The following ABI3BP variants were observed in gnomAD, a reference collection of about 807,000 sequenced individuals.
The protein encoded by ABI3BP is target of Nesh-SH3.
A neutral mutation model predicts 268.6 loss-of-function variants in ABI3BP; 216 were observed. That is an observed-to-expected ratio of 0.80 (90% CI 0.72 to 0.90). ABI3BP has a LOEUF of 0.90. Among genes scored for constraint, ABI3BP ranks in the 40% least tolerant of loss-of-function variants. ABI3BP has a pLI of 0.00. For synonymous variants in ABI3BP, 730 were observed against 730.0 expected (o/e 1.00, Z 0.00); for missense variants, 2,090 against 2,182.4 (o/e 0.96, Z 0.84).
chr3:100,750,955 G>A (rs1021241377), intron 67 of ABI3BP, among the ~76,000 whole-genome samples: 11 of 152,030 alleles, frequency 7.2e-5, no homozygotes, highest in African/African-American at 2.2e-4. Context: ...CTGAAAAATC[G>A]AATCAAATAG....
In ABI3BP at chr3:100,820,268, G is replaced by A. The variant is rs2098180537; in HGVS notation, c.2983C>T (p.Pro995Ser). 3 of 1,536,080 alleles carry A rather than the reference G, an allele frequency of 2.0e-6. No individual in the cohort carries two copies. Among genetic ancestry groups the A allele is most frequent in the African/African-American group, 2.7e-5 (2 of 73,044 alleles). ...GGACTTGGTGTGGTTTTAGTTTTGG[G>A]ACGTGGACGACGAGTTCGTTGTGAT... ...KTSQRTRRPRPKTKTTPSPEV... is the reference protein window; with the variant it reads ...KTSQRTRRPRSKTKTTPSPEV... The change falls in exon 40 of 68, where the codon CCC becomes TCC. Residue 995 changes from proline to serine, a missense_variant. Transcript: ENST00000471714.
At chr3:100,762,113 T>C (rs1389075216) in intron 63 of ABI3BP, among the ~76,000 whole-genome samples, 1 of 152,244 alleles carries the variant, frequency 6.6e-6, no homozygotes, top group African/African-American at 2.4e-5. Flanking sequence ...ATTATTTTTT[T>C]ACAGCTAACA....
chr3:100,756,331 C>A (rs1171224854), intron 63 of ABI3BP, among the ~76,000 whole-genome samples: 2 of 152,172 alleles, frequency 1.3e-5, no homozygotes, highest in Admixed American at 1.3e-4. Context: ...TTGAGACCAG[C>A]CTGACCAACA....
At chr3:100,791,635 T>G (rs910647837) in intron 55 of ABI3BP, among the ~76,000 whole-genome samples, 2 of 151,838 alleles carry the variant, frequency 1.3e-5, no homozygotes, top group African/African-American at 4.8e-5. Context: ...ATGTTATACT[T>G]CAGACTTCTG....
intron 6 of ABI3BP, among the ~76,000 whole-genome samples, chr3:100,885,190 T>C (rs2041354331): frequency 6.6e-6 from 1 of 152,060 alleles, no homozygotes; most frequent in African/African-American, 2.4e-5. Flanking sequence ...GTTTGAGCTG[T>C]AGCAATGTAC....
chr3:100,790,858 T>G (rs1209164433), intron 55 of ABI3BP, among the ~76,000 whole-genome samples: 3 of 151,974 alleles, frequency 2.0e-5, no homozygotes, highest in Non-Finnish European at 4.4e-5. Flanking sequence ...TATGTATAAA[T>G]TTTAAGACTT....
Position 100,911,587 on chromosome 3 carries a change from A to C in ABI3BP, c.260-8901T>G, listed in dbSNP as rs535761065. The C allele has an allele frequency of 8.7e-5, 58 of 667,000 alleles. No individual in the cohort carries two copies. The African/African-American group carries it at 8.8e-4, about 10-fold the overall frequency. 41.3% of individuals were successfully genotyped at this position (667,000 alleles called of 1,614,324 possible). A position where few individuals can be genotyped will look rare whatever the true frequency, so the allele number is the denominator to read the frequency against. ...TCCTTTACTGATCCATCTTCTTCAA[A>C]AAATTTAGAGCTGTGTGTTTTTACT... On this transcript the variant is annotated intron_variant, in intron 2 of 67. Transcript: ENST00000471714.
chr3:100,832,100 G>C (rs2098503934), intron 31 of ABI3BP, among the ~76,000 whole-genome samples, 164 bp downstream of exon 31: 1 of 152,112 alleles, frequency 6.6e-6, no homozygotes, highest in African/African-American at 2.4e-5. Flanking sequence ...TCCCTATAAA[G>C]GAAGCAAGAG....
chr3:100,902,803 G>A lies in ABI3BP; in HGVS notation c.260-117C>T, dbSNP rs532757289. 1.3e-5 allele frequency: 10 copies of A among 743,014 alleles called. No homozygotes were observed. In the East Asian group the frequency reaches 2.7e-4, roughly 20 times the overall value. The allele number at this position is 743,014 out of a possible 1,614,324, so 46.0% of individuals were successfully genotyped here. On this transcript the variant is annotated intron_variant, in intron 2 of 67. Coordinates refer to ENST00000471714, the MANE Select transcript of ABI3BP (RefSeq NM_001375547.2). ...CATCCTCCATAACCGCAGCTCCAGG[G>A]AGTGAGAGGACCCAATAATCCGAAA... is the stretch of plus-strand genomic sequence containing the variant.
chr3:100,942,013 T>C (rs1201005982), intron 1 of ABI3BP, among the ~76,000 whole-genome samples: 1 of 152,106 alleles, frequency 6.6e-6, no homozygotes, highest in Non-Finnish European at 1.5e-5. Context: ...AGTGGGACAG[T>C]GACATGGTTA....
At chr3:100,790,615 T>A (rs1385523176) in intron 55 of ABI3BP, among the ~76,000 whole-genome samples, 1 of 151,990 alleles carries the variant, frequency 6.6e-6, no homozygotes, top group Non-Finnish European at 1.5e-5. Context: ...GGACACACAC[T>A]GAAATTCTCT....
At chr3:100,777,679 CCCAAG>C (rs141853468) in intron 59 of ABI3BP, among the ~76,000 whole-genome samples, 1,751 of 152,188 alleles carry the variant, frequency 0.012, 35 homozygotes, top group African/African-American at 0.029. Context: ...GTCTGAGTAT[CCCAAG>C]CCAAGCCTGG....
chr3:100,822,530 C>T (rs563744541), intron 38 of ABI3BP, 59 bp downstream of exon 38: 11 of 1,467,610 alleles, frequency 7.5e-6, no homozygotes, highest in Middle Eastern at 1.7e-4. Context: ...TGGGATTACT[C>T]TTGAGACCCT....
chr3:100,752,110 A>G (rs1309950679), intron 66 of ABI3BP, among the ~76,000 whole-genome samples: 1 of 152,144 alleles, frequency 6.6e-6, no homozygotes, highest in Non-Finnish European at 1.5e-5. Context: ...CTCCTTAGCT[A>G]GTGCTAACTA....
chr3:100,786,248 T>C (rs1342460601), intron 57 of ABI3BP, among the ~76,000 whole-genome samples: 2 of 152,150 alleles, frequency 1.3e-5, no homozygotes, highest in African/African-American at 4.8e-5. Flanking sequence ...GAGCTCAGCT[T>C]TGTCTACCTG....
intron 40 of ABI3BP, among the ~76,000 whole-genome samples, chr3:100,819,590 A>T (rs1172390927): frequency 6.6e-6 from 1 of 152,076 alleles, no homozygotes; most frequent in Non-Finnish European, 1.5e-5. Flanking sequence ...TTTTTTCTAG[A>T]AATAAAAATG....
chr3:100,850,777 C>T (rs1336687417), intron 15 of ABI3BP, 43 bp from the exon 16 acceptor site: 2 of 1,438,938 alleles, frequency 1.4e-6, no homozygotes, highest in East Asian at 2.3e-5. Context: ...AGTAGAAGGC[C>T]CCAGGAATAA....
At chr3:100,906,006 T>C (rs1302276324) in intron 2 of ABI3BP, among the ~76,000 whole-genome samples, 1 of 152,220 alleles carries the variant, frequency 6.6e-6, no homozygotes, top group Non-Finnish European at 1.5e-5. Flanking sequence ...TATGTAACTA[T>C]CTTAATCAAG....
intron 2 of ABI3BP, among the ~76,000 whole-genome samples, chr3:100,920,364 C>T (rs2153608039): frequency 6.6e-6 from 1 of 152,264 alleles, no homozygotes; most frequent in South Asian, 2.1e-4. Context: ...ATAACAGCAA[C>T]TGACAAAATT....
Sources: gnomAD v4.1 joint callset for allele counts (sites outside exome capture counted in the v4.1 genomes callset) on GRCh38, gnomAD v4.1.1 for gene constraint, MANE v1.5 for transcripts, NCBI Gene and HGNC (gene_info 2026-07-23, HGNC 2026-07-21) for gene names.